The following KCTD16 variants were observed in gnomAD, a reference collection of about 807,000 sequenced individuals.
The protein encoded by KCTD16 is BTB/POZ domain-containing protein KCTD16.
In KCTD16, 13 loss-of-function variants were observed where a neutral mutation model predicts 33.2. That is an observed-to-expected ratio of 0.39 (90% CI 0.25 to 0.62). The LOEUF (loss-of-function observed/expected upper bound fraction) is 0.62. Among genes scored for constraint, KCTD16 ranks in the 20% least tolerant of loss-of-function variants. The probability of loss-of-function intolerance (pLI) is 0.50; values close to 1 mark genes in which losing one functional copy is unlikely to be tolerated. For missense variants in KCTD16, 441 were observed against 525.1 expected (o/e 0.84, Z 1.57); for synonymous variants, 197 against 195.3 (o/e 1.01, Z -0.07).
intron 3 of KCTD16, chr5:144,377,916 T>C (rs938786945): frequency 6.6e-6 from 1 of 152,208 alleles, no homozygotes; most frequent in Non-Finnish European, 1.5e-5. Flanking sequence ...ATATACTTTG[T>C]TTTCCTGTAA....
chr5:144,443,275 C>A (rs184939036), intron 3 of KCTD16, among the ~76,000 whole-genome samples: 2 of 152,104 alleles, frequency 1.3e-5, no homozygotes, highest in Admixed American at 1.3e-4. Context: ...ATGGCTTAAA[C>A]GCCATAGGTC....
intron 3 of KCTD16, among the ~76,000 whole-genome samples, chr5:144,337,647 A>C (rs142406765): frequency 3.3e-5 from 5 of 152,200 alleles, no homozygotes; most frequent in African/African-American, 1.2e-4. Flanking sequence ...TTAACCACTT[A>C]TATGCAATAT....
chr5:144,338,857 T>G (rs1038772409), intron 3 of KCTD16, among the ~76,000 whole-genome samples: 7 of 152,208 alleles, frequency 4.6e-5, no homozygotes, highest in Non-Finnish European at 1.0e-4. Context: ...GTTATTCAGA[T>G]TCTCCTCACT....
At chr5:144,459,031 C>T (rs78388427) in intron 3 of KCTD16, among the ~76,000 whole-genome samples, 13,994 of 152,220 alleles carry the variant, frequency 0.092, 927 homozygotes, top group Non-Finnish European at 0.13. Flanking sequence ...CAAGTAGCCC[C>T]AGCAGGTGCA....
chr5:144,378,865 T>G (rs1752150357), intron 3 of KCTD16, among the ~76,000 whole-genome samples: 1 of 152,190 alleles, frequency 6.6e-6, no homozygotes, highest in Non-Finnish European at 1.5e-5. Context: ...ATGGTTGTTT[T>G]GTATTAAATG....
chr5:144,408,586 G>A (rs775922569), intron 3 of KCTD16, among the ~76,000 whole-genome samples: 1 of 152,082 alleles, frequency 6.6e-6, no homozygotes, highest in South Asian at 2.1e-4. Context: ...CATGATGACT[G>A]GGTTAAACAG....
chr5:144,395,485 C>G (rs1225690576), intron 3 of KCTD16, among the ~76,000 whole-genome samples: 3 of 152,118 alleles, frequency 2.0e-5, no homozygotes, highest in Non-Finnish European at 4.4e-5. Context: ...ATATTAAGGG[C>G]AAATAGGTCT....
intron 3 of KCTD16, among the ~76,000 whole-genome samples, chr5:144,424,817 A>G (rs1309038778): frequency 2.0e-5 from 3 of 152,146 alleles, no homozygotes; most frequent in African/African-American, 7.2e-5. Context: ...TGAGAGTGAG[A>G]GGAAATCCCT....
At chr5:144,175,969 C>A (rs1752497525) in intron 2 of KCTD16, among the ~76,000 whole-genome samples, 1 of 152,140 alleles carries the variant, frequency 6.6e-6, no homozygotes, top group Non-Finnish European at 1.5e-5. Context: ...GTTTCCCCTG[C>A]AGATTCTGTA....
chr5:144,219,659 T>C (rs566073036), intron 3 of KCTD16, among the ~76,000 whole-genome samples: 16 of 151,986 alleles, frequency 1.1e-4, no homozygotes, highest in South Asian at 1.0e-3. Context: ...TAGCTGGGAC[T>C]CCAGGCATCC....
intron 3 of KCTD16, among the ~76,000 whole-genome samples, chr5:144,418,537 G>C (rs1753136954): frequency 6.6e-6 from 1 of 152,060 alleles, no homozygotes; most frequent in Non-Finnish European, 1.5e-5. Context: ...GTCACCACCG[G>C]ACCCAGAAGC....
Position 144,395,726 on chromosome 5 carries a change from A to G in KCTD16, c.833-77934A>G, listed in dbSNP as rs1752554199. Among the ~76,000 whole-genome samples the G allele has an allele frequency of 2.0e-5, 3 of 152,164 alleles. No homozygotes were observed. The South Asian group carries it at 6.2e-4, about 32-fold the overall frequency. ...GAATTCAAGCAGTTCCAGGCAGGCC[A>G]TCTCTTCCCACCATGGTCCTGATCT... On this transcript the variant is annotated intron_variant, in intron 3 of 3. Coordinates refer to ENST00000512467, the MANE Select transcript of KCTD16 (RefSeq NM_020768.4).
chr5:144,397,590 T>C (rs181381695), intron 3 of KCTD16, among the ~76,000 whole-genome samples: 2 of 152,314 alleles, frequency 1.3e-5, no homozygotes, highest in Admixed American at 1.3e-4. Flanking sequence ...CCAGCACCTG[T>C]TGTTTCCTGA....
intron 3 of KCTD16, among the ~76,000 whole-genome samples, chr5:144,433,424 CAG>C (rs888373140): frequency 3.3e-5 from 5 of 152,080 alleles, no homozygotes; most frequent in African/African-American, 1.2e-4. Context: ...CATGGTAGTG[CAG>C]AGACACCGGA....
At chr5:144,345,143 G>T (rs1752758702) in intron 3 of KCTD16, among the ~76,000 whole-genome samples, 1 of 147,388 alleles carries the variant, frequency 6.8e-6, no homozygotes, top group Non-Finnish European at 1.5e-5. Context: ...CTCCTAGGTG[G>T]GAATTGAACA....
intron 3 of KCTD16, among the ~76,000 whole-genome samples, chr5:144,427,119 A>G (rs1340674114): frequency 6.6e-6 from 1 of 152,154 alleles, no homozygotes; most frequent in Non-Finnish European, 1.5e-5. Context: ...TATGATTGGT[A>G]GCAGAGGAGC....
chr5:144,377,131 CT>C (rs779706780), intron 3 of KCTD16, among the ~76,000 whole-genome samples: 11 of 152,238 alleles, frequency 7.2e-5, no homozygotes, highest in Admixed American at 1.3e-4. Flanking sequence ...CTCTCCAATG[CT>C]GGCCATCCTT....
At chr5:144,379,829 T>C (rs1485277663) in intron 3 of KCTD16, among the ~76,000 whole-genome samples, 2 of 152,192 alleles carry the variant, frequency 1.3e-5, no homozygotes, top group Non-Finnish European at 2.9e-5. Context: ...TTGAGAAACA[T>C]ATTTATAAAA....
At chr5:144,285,742 A>G (rs1042248185) in intron 3 of KCTD16, among the ~76,000 whole-genome samples, 13 of 152,206 alleles carry the variant, frequency 8.5e-5, no homozygotes, top group African/African-American at 3.1e-4. Flanking sequence ...CTGTTTTGCA[A>G]ACGTAGAGCT....
Sources: allele counts gnomAD v4.1 joint callset (sites outside exome capture counted in the v4.1 genomes callset), GRCh38; gene constraint gnomAD v4.1.1; transcripts MANE v1.5; gene names NCBI Gene and HGNC (gene_info 2026-07-23, HGNC 2026-07-21).